MEIKIN: variants seen among roughly 807,000 people sequenced by gnomAD.
MEIKIN encodes the protein meiosis-specific kinetochore protein.
intron 11 of MEIKIN, among the ~76,000 whole-genome samples, chr5:131,839,420 C>A (rs917968986): frequency 1.3e-5 from 2 of 151,982 alleles, no homozygotes; most frequent in Admixed American, 6.6e-5. Flanking sequence ...TAATTTTTTG[C>A]CTTGATGATC....
intron 4 of MEIKIN, among the ~76,000 whole-genome samples, chr5:131,939,952 C>G (rs1045901794): frequency 2.0e-5 from 3 of 152,148 alleles, no homozygotes; most frequent in African/African-American, 4.8e-5. Flanking sequence ...TTGAGACATT[C>G]GACAATTATT....
At chr5:131,929,296 C>T (rs1310914047) in intron 5 of MEIKIN, among the ~76,000 whole-genome samples, 1 of 152,142 alleles carries the variant, frequency 6.6e-6, no homozygotes, top group Non-Finnish European at 1.5e-5. Context: ...CTTCCTTCTA[C>T]TTGGGTCCCT....
At chr5:131,850,935 G>A (rs910284491) in intron 11 of MEIKIN, among the ~76,000 whole-genome samples, 2 of 151,800 alleles carry the variant, frequency 1.3e-5, no homozygotes. Context: ...AGGACAGAGT[G>A]AGACTCTGTC....
intron 11 of MEIKIN, among the ~76,000 whole-genome samples, chr5:131,835,214 A>ATATATATG (rs1749784766): frequency 1.1e-4 from 16 of 151,272 alleles, no homozygotes; most frequent in Admixed American, 7.9e-4. Flanking sequence ...ATATGTGTGT[A>ATATATATG]TATATATGTG....
In MEIKIN at chr5:131,854,770, T is replaced by C. The variant is rs1184798365; in HGVS notation, c.839A>G (p.Glu280Gly). ...RGLLTSTPSS[E>G]TAGFVIDLSS... is the part of the protein sequence containing the mutation. The stretch of plus-strand genomic sequence containing the variant: ...AATACTTACCACAAAACCAGCTGTC[T>C]CTGAAGATGGAGTACTTGTTAAAAG... Residue 280 changes from glutamate to glycine, a missense_variant, in exon 10 of 13, where the codon GAG becomes GGG. Coordinates refer to ENST00000442687, the MANE Select transcript of MEIKIN (RefSeq NM_001303622.2). 2.5e-6 allele frequency: 1 copy of C among 397,812 alleles called. No homozygotes were observed. The highest frequency in any genetic ancestry group is 4.4e-6 in the Non-Finnish European group (1 of 225,600). The allele number at this position is 397,812 out of a possible 1,614,324, so 24.6% of individuals were successfully genotyped here.
intron 5 of MEIKIN, among the ~76,000 whole-genome samples, chr5:131,923,571 T>G (rs912258814): frequency 6.6e-6 from 1 of 151,700 alleles, no homozygotes; most frequent in Non-Finnish European, 1.5e-5. Flanking sequence ...AAATCTCAAC[T>G]TAATATTTTA....
intron 11 of MEIKIN, among the ~76,000 whole-genome samples, chr5:131,845,347 T>A (rs1466637201): frequency 7.2e-6 from 1 of 139,230 alleles, no homozygotes; most frequent in Non-Finnish European, 1.5e-5. Context: ...CCACATTTAC[T>A]ACATTATTAT....
At chr5:131,838,363 C>T (rs1387897281) in intron 11 of MEIKIN, among the ~76,000 whole-genome samples, 1 of 152,006 alleles carries the variant, frequency 6.6e-6, no homozygotes. Flanking sequence ...TGATGCCGGC[C>T]TCATAGAATA....
intron 9 of MEIKIN, among the ~76,000 whole-genome samples, chr5:131,861,634 C>T (rs1189469365): frequency 6.6e-6 from 1 of 152,068 alleles, no homozygotes; most frequent in African/African-American, 2.4e-5. Flanking sequence ...CTTTCTATGC[C>T]TAGTTTGCTG....
intron 8 of MEIKIN, among the ~76,000 whole-genome samples, chr5:131,899,243 C>T (rs1751109753): frequency 6.6e-6 from 1 of 152,004 alleles, no homozygotes; most frequent in African/African-American, 2.4e-5. Flanking sequence ...TTTGTTTATG[C>T]AAACAATGTT....
chr5:131,863,011 T>A (rs1750314135), intron 9 of MEIKIN, among the ~76,000 whole-genome samples: 1 of 152,188 alleles, frequency 6.6e-6, no homozygotes, highest in Non-Finnish European at 1.5e-5. Context: ...ATTTCAAGAA[T>A]TTTTTTATTT....
chr5:131,821,002 T>G lies in MEIKIN; in HGVS notation c.976-2139A>C, dbSNP rs114431670. 4.6e-3 allele frequency among the ~76,000 whole-genome samples: 701 copies of G among 152,268 alleles called. 7 individuals carry two copies. The highest frequency in any genetic ancestry group is 0.019 in the South Asian group (91 of 4,830). On this transcript the variant is annotated intron_variant, in intron 11 of 12. Coordinates refer to ENST00000442687, the MANE Select transcript of MEIKIN (RefSeq NM_001303622.2). Reference sequence around the variant, plus strand: ...TGTATGTTTCTTCAAATTCACTTATTTCTGTGCTGATCTTTATTATTTCTT... The same window carrying G: ...TGTATGTTTCTTCAAATTCACTTATGTCTGTGCTGATCTTTATTATTTCTT...
chr5:131,847,675 T>C (rs1750042732), intron 11 of MEIKIN, among the ~76,000 whole-genome samples: 2 of 152,008 alleles, frequency 1.3e-5, no homozygotes, highest in Non-Finnish European at 2.9e-5. Flanking sequence ...TTACAATCAA[T>C]TAAGTGTAAC....
intron 4 of MEIKIN, among the ~76,000 whole-genome samples, chr5:131,940,287 T>C (rs1751848130): frequency 6.6e-6 from 1 of 152,224 alleles, no homozygotes; most frequent in Admixed American, 6.5e-5. Flanking sequence ...GCACCTCCCA[T>C]GTTCTTTTGC....
intron 7 of MEIKIN, among the ~76,000 whole-genome samples, chr5:131,916,009 C>A (rs1295701975): frequency 6.6e-6 from 1 of 151,920 alleles, no homozygotes; most frequent in Non-Finnish European, 1.5e-5. Context: ...TAAATAAAAC[C>A]CCGTCTCCAT....
At chr5:131,934,083 C>G (rs979247466) in intron 4 of MEIKIN, among the ~76,000 whole-genome samples, 2 of 151,920 alleles carry the variant, frequency 1.3e-5, no homozygotes, top group Admixed American at 1.3e-4. Flanking sequence ...TCCCGAGTAG[C>G]TGGGATTACA....
Position 131,907,649 on chromosome 5 carries a change from G to A in MEIKIN, c.703+4166C>T, listed in dbSNP as rs568174903. ...AGCACTTTGGGAGGCCAAGGTGGGC[G>A]GATCACGAAGTCAGGAGTTCGAGAC... On this transcript the variant is annotated intron_variant, in intron 8 of 12. Transcript: ENST00000442687. Among the ~76,000 whole-genome samples, 36 of 151,352 alleles carry A rather than the reference G, an allele frequency of 2.4e-4. 1 individual carries two copies. The highest frequency in any genetic ancestry group is 7.3e-4 in the Admixed American group (11 of 15,110).
chr5:131,872,402 T>A (rs1018861480), intron 9 of MEIKIN, among the ~76,000 whole-genome samples: 10 of 152,146 alleles, frequency 6.6e-5, no homozygotes, highest in African/African-American at 2.4e-4. Context: ...GTATCAGTGA[T>A]GGAAGACGAA....
At chr5:131,927,897 G>C (rs2149650373) in intron 5 of MEIKIN, among the ~76,000 whole-genome samples, 1 of 152,238 alleles carries the variant, frequency 6.6e-6, no homozygotes, top group Non-Finnish European at 1.5e-5. Flanking sequence ...TGTAATCCCA[G>C]CACTTTGGGA....
Sources: allele counts gnomAD v4.1 joint callset (sites outside exome capture counted in the v4.1 genomes callset), GRCh38; gene constraint gnomAD v4.1.1; transcripts MANE v1.5; gene names NCBI Gene and HGNC (gene_info 2026-07-23, HGNC 2026-07-21).